The following SMAP1 variants were observed in gnomAD, a reference collection of about 807,000 sequenced individuals.
The protein encoded by SMAP1 is small ArfGAP 1, also known as stromal membrane-associated protein 1.
In SMAP1, 24 loss-of-function variants were observed where a neutral mutation model predicts 58.5. The observed-to-expected ratio is 0.41, with a 90% CI of 0.30 to 0.58. The LOEUF is 0.58. Ranked by LOEUF, SMAP1 falls within the 20% of genes least tolerant of loss-of-function variation. The probability of loss-of-function intolerance (pLI) is 0.29; values close to 1 mark genes in which losing one functional copy is unlikely to be tolerated. For missense variants in SMAP1, 563 were observed against 566.3 expected (o/e 0.99, Z 0.06); for synonymous variants, 216 against 196.6 (o/e 1.10, Z -0.82).
intron 1 of SMAP1, among the ~76,000 whole-genome samples, chr6:70,701,971 A>G (rs1448231689): frequency 6.6e-6 from 1 of 152,124 alleles, no homozygotes; most frequent in African/African-American, 2.4e-5. Flanking sequence ...CTTTGTTTTC[A>G]AAAGATGTTT....
At chr6:70,684,702 CTTG>C (rs1194645291) in intron 1 of SMAP1, among the ~76,000 whole-genome samples, 1 of 143,394 alleles carries the variant, frequency 7.0e-6, no homozygotes. Flanking sequence ...ATATTTTGAA[CTTG>C]TTTACATTTT....
At chr6:70,699,495 G>A (rs1028211419) in intron 1 of SMAP1, among the ~76,000 whole-genome samples, 7 of 152,286 alleles carry the variant, frequency 4.6e-5, no homozygotes, top group African/African-American at 1.7e-4. Flanking sequence ...AGGACAGCGA[G>A]CTCTCCACTG....
rs764017140 is a variant in SMAP1 at position 70,856,938 on chromosome 6, C to G, written c.869C>G (p.Thr290Arg). The G allele has an allele frequency of 6.2e-7, 1 of 1,613,952 alleles. No homozygotes were observed. Among genetic ancestry groups the G allele is most frequent in the East Asian group, 2.2e-5 (1 of 44,850 alleles). ...GDLDLFTEQT[T>R]KSEEVAKKQL... is the part of the protein sequence containing the mutation. ...CTAGATTTATTCACTGAGCAAACTA[C>G]AAAATCAGAAGAAGTGGCAAAGAAA... Residue 290 changes from threonine to arginine, a missense_variant, in exon 9 of 11, where the codon ACA becomes AGA. Transcript: ENST00000370455.
chr6:70,794,827 C>T (rs544128655), intron 5 of SMAP1, among the ~76,000 whole-genome samples: 7 of 135,454 alleles, frequency 5.2e-5, no homozygotes, highest in Non-Finnish European at 7.6e-5. Context: ...TTCACTCTGT[C>T]GCCCAGGTTG....
chr6:70,822,318 C>G (rs183128879), intron 6 of SMAP1, among the ~76,000 whole-genome samples: 3 of 152,222 alleles, frequency 2.0e-5, no homozygotes, highest in Non-Finnish European at 4.4e-5. Context: ...ATTTCGTAGT[C>G]CTCACAATAG....
chr6:70,761,999 A>G (rs549802824), intron 3 of SMAP1, among the ~76,000 whole-genome samples: 23 of 152,224 alleles, frequency 1.5e-4, no homozygotes, highest in Middle Eastern at 3.4e-3. Context: ...AAAGGTCACA[A>G]TAACTGCCGG....
Position 70,668,050 on chromosome 6 carries a change from G to C in SMAP1, c.27G>C (p.Lys9Asn). 1 of 1,602,852 alleles carries C rather than the reference G, an allele frequency of 6.2e-7. No homozygotes were observed. Among genetic ancestry groups the C allele is most frequent in the Non-Finnish European group, 8.5e-7 (1 of 1,175,572 alleles). ...TGGCGACGCGCTCCTGTCGGGAGAAGGCTCAGAAGCTGAACGAGCAGCACC... is the reference window on the plus strand; with the variant it reads ...TGGCGACGCGCTCCTGTCGGGAGAACGCTCAGAAGCTGAACGAGCAGCACC... MATRSCRE[K>N]AQKLNEQHQL... The change falls in exon 1 of 11, where the codon AAG (lysine) becomes AAC (asparagine). Residue 9 changes from lysine (K) to asparagine (N), a missense_variant. This residue lies in a region of SMAP1 where 52 missense variants were observed against 46.6 expected (regional missense o/e 1.11). Coordinates refer to ENST00000370455, the MANE Select transcript of SMAP1 (RefSeq NM_001044305.3).
chr6:70,741,642 G>T (rs1765817686), intron 2 of SMAP1, among the ~76,000 whole-genome samples: 1 of 152,178 alleles, frequency 6.6e-6, no homozygotes, highest in Non-Finnish European at 1.5e-5. Context: ...TCTGAGGTCT[G>T]GAGGATGGTG....
At chr6:70,802,028 G>A (rs560972165) in intron 6 of SMAP1, among the ~76,000 whole-genome samples, 3 of 152,202 alleles carry the variant, frequency 2.0e-5, no homozygotes, top group Non-Finnish European at 4.4e-5. Context: ...GAACTTTAAA[G>A]TAGTTTTTTC....
Position 70,798,715 on chromosome 6 carries a change from CA to C in SMAP1, c.558del (p.Lys186AsnfsTer34). On this transcript the variant is annotated frameshift_variant, in exon 6 of 11. Transcript: ENST00000370455. LOFTEE classifies it high-confidence loss of function. ...AGAGAAAAGGAGCCAGAAAAGCCGG[CA>C]AAACCACTTACAGCTGAAAAGGTAA... The part of the protein sequence containing the change: ...KKREKEPEKP[A>X]KPLTAEKLQK... The C allele has an allele frequency of 6.4e-7, 1 of 1,558,906 alleles. No individual in the cohort carries two copies. Among genetic ancestry groups the C allele is most frequent in the South Asian group, 1.2e-5 (1 of 80,414 alleles).
At chr6:70,701,888 T>C (rs1010521989) in intron 1 of SMAP1, among the ~76,000 whole-genome samples, 1 of 152,196 alleles carries the variant, frequency 6.6e-6, no homozygotes, top group Non-Finnish European at 1.5e-5. Context: ...GCAGGGGAGA[T>C]GATTATTGGT....
chr6:70,809,759 T>C (rs1769306205), intron 6 of SMAP1, among the ~76,000 whole-genome samples: 1 of 152,246 alleles, frequency 6.6e-6, no homozygotes, highest in Admixed American at 6.5e-5. Flanking sequence ...ACAGAACATT[T>C]GTATAAGTAG....
In SMAP1 at chr6:70,860,325, G is replaced by A. The variant is rs1232385652; in HGVS notation, c.1395G>A (p.Leu465=). 1 of 1,606,212 alleles carries A rather than the reference G, an allele frequency of 6.2e-7. No homozygotes were observed. The highest frequency in any genetic ancestry group is 1.7e-5 in the Admixed American group (1 of 57,774). The part of the protein sequence containing the change: ...SSSGQTLSTQ[L]WK ...CAGGTCAGACTCTCAGCACACAACTGTGGAAATGAAAACTGCAATACAAGT... is the reference window on the plus strand; with the variant it reads ...CAGGTCAGACTCTCAGCACACAACTATGGAAATGAAAACTGCAATACAAGT... Residue 465 remains leucine (L), a synonymous_variant, in exon 11 of 11, where the codon CTG becomes CTA. Transcript: ENST00000370455.
intron 2 of SMAP1, among the ~76,000 whole-genome samples, chr6:70,747,224 T>C (rs1192598686): frequency 4.6e-5 from 7 of 152,186 alleles, no homozygotes; most frequent in South Asian, 2.1e-4. Context: ...TCTGGTCATA[T>C]GGTAAGTTTT....
intron 6 of SMAP1, among the ~76,000 whole-genome samples, chr6:70,826,617 G>A (rs563144146): frequency 3.3e-5 from 5 of 152,064 alleles, no homozygotes; most frequent in East Asian, 3.9e-4. Context: ...TTAGCTGGGC[G>A]TGGTGGCTTG....
intron 3 of SMAP1, among the ~76,000 whole-genome samples, chr6:70,758,863 C>G (rs1562138958): frequency 6.6e-6 from 1 of 152,036 alleles, no homozygotes; most frequent in Non-Finnish European, 1.5e-5. Context: ...GAATTCATTA[C>G]CAGCAGGAGG....
In SMAP1 at chr6:70,788,031, C is replaced by T. The variant is rs761597714; in HGVS notation, c.415-3658C>T. ...TTTATTGTGGCACTATTCACATTAA[C>T]AAAGACTTGGAACCAACCCAAATGT... On this transcript the variant is annotated intron_variant, in intron 4 of 10. Coordinates refer to ENST00000370455, the MANE Select transcript of SMAP1 (RefSeq NM_001044305.3). 8.7e-4 allele frequency among the ~76,000 whole-genome samples: 133 copies of T among 152,160 alleles called. 2 individuals carry two copies. Among genetic ancestry groups the T allele is most frequent in the Non-Finnish European group, 1.6e-3 (109 of 67,992 alleles).
intron 1 of SMAP1, among the ~76,000 whole-genome samples, chr6:70,685,332 A>G (rs1342145875): frequency 1.3e-5 from 2 of 151,158 alleles, no homozygotes; most frequent in Non-Finnish European, 2.9e-5. Flanking sequence ...TAGAGTAGAC[A>G]TTAGTGAGAG....
At chr6:70,796,169 A>G (rs1768599511) in intron 5 of SMAP1, among the ~76,000 whole-genome samples, 1 of 152,206 alleles carries the variant, frequency 6.6e-6, no homozygotes, top group South Asian at 2.1e-4. Flanking sequence ...AATGGGGATA[A>G]TATTACTAAC....
Sources: allele counts gnomAD v4.1 joint callset (sites outside exome capture counted in the v4.1 genomes callset), GRCh38; gene constraint gnomAD v4.1.1; regional missense constraint gnomAD v4.1.1; transcripts MANE v1.5; gene names NCBI Gene and HGNC (gene_info 2026-07-23, HGNC 2026-07-21).